The following GALNT2 variants were observed in gnomAD, a reference collection of about 807,000 sequenced individuals.
The protein encoded by GALNT2 is polypeptide N-acetylgalactosaminyltransferase 2.
Under a neutral mutation model 81.4 loss-of-function variants are expected in GALNT2, and 31 were observed. The ratio of observed to expected loss-of-function variants is 0.38; its 90% confidence interval spans 0.29 to 0.51. The LOEUF is 0.51. GALNT2 is among the 20% of genes least tolerant of loss of function. GALNT2 has a pLI of 0.87. For missense variants in GALNT2, 629 were observed against 765.7 expected (o/e 0.82, Z 2.11); for synonymous variants, 303 against 287.4 (o/e 1.05, Z -0.55).
At chr1:230,100,310 CTTTTTTTTTTTTTTT>C (rs573478928) in intron 1 of GALNT2, among the ~76,000 whole-genome samples, 1 of 85,776 alleles carries the variant, frequency 1.2e-5, no homozygotes, top group Non-Finnish European at 2.1e-5. Context: ...CTTTTTATTC[CTTTTTTTTTTTTTTT>C]TTTTTTTTTT....
intron 15 of GALNT2, among the ~76,000 whole-genome samples, chr1:230,276,697 T>A (rs960969916): frequency 6.6e-6 from 1 of 152,174 alleles, no homozygotes; most frequent in Non-Finnish European, 1.5e-5. Context: ...TGGGAGCCCC[T>A]CTCTAGGGTT....
intron 3 of GALNT2, among the ~76,000 whole-genome samples, chr1:230,215,886 T>G (rs902828513): frequency 4.6e-5 from 7 of 152,354 alleles, no homozygotes; most frequent in Middle Eastern, 6.8e-3. Flanking sequence ...TATATCAGCT[T>G]TAAGTAAAGA....
At chr1:230,099,032 G>A (rs13374490) in intron 1 of GALNT2, among the ~76,000 whole-genome samples, 2,617 of 152,264 alleles carry the variant, frequency 0.017, 75 homozygotes, top group African/African-American at 0.058. Flanking sequence ...GACATGAGAG[G>A]ATGAGATCAG....
chr1:230,172,649 T>A (rs1180715279), intron 1 of GALNT2, among the ~76,000 whole-genome samples: 1 of 152,132 alleles, frequency 6.6e-6, no homozygotes, highest in East Asian at 1.9e-4. Context: ...TACCTCCTCA[T>A]CCCCACGGCG....
chr1:230,132,208 G>C (rs952960778), intron 1 of GALNT2, among the ~76,000 whole-genome samples: 2 of 152,194 alleles, frequency 1.3e-5, no homozygotes, highest in African/African-American at 4.8e-5. Context: ...AGTAGTAACT[G>C]TGGCGGTCAG....
At chr1:230,237,127 A>T (rs1039744972) in intron 6 of GALNT2, among the ~76,000 whole-genome samples, 1 of 152,272 alleles carries the variant, frequency 6.6e-6, no homozygotes, top group African/African-American at 2.4e-5. Context: ...GCTGAAGGTG[A>T]ACCATCCAAA....
chr1:230,080,086 T>C (rs1659680681), intron 1 of GALNT2, among the ~76,000 whole-genome samples: 1 of 152,214 alleles, frequency 6.6e-6, no homozygotes, highest in Non-Finnish European at 1.5e-5. Context: ...ACTTAAGACA[T>C]AGGTTTTAGT....
At chr1:230,073,969 G>C (rs1435243556) in intron 1 of GALNT2, among the ~76,000 whole-genome samples, 1 of 152,196 alleles carries the variant, frequency 6.6e-6, no homozygotes, top group Non-Finnish European at 1.5e-5. Flanking sequence ...AGGAGGGTTG[G>C]GGGTAGAGTT....
intron 14 of GALNT2, among the ~76,000 whole-genome samples, chr1:230,270,172 G>T (rs1286646682): frequency 6.6e-6 from 1 of 152,208 alleles, no homozygotes; most frequent in Non-Finnish European, 1.5e-5. Context: ...CTATACTCCA[G>T]CCTGGGTGAC....
At chr1:230,068,223 A>C (rs1196225157) in intron 1 of GALNT2, among the ~76,000 whole-genome samples, 3 of 152,166 alleles carry the variant, frequency 2.0e-5, no homozygotes, top group African/African-American at 7.2e-5. Flanking sequence ...GGACCGTGTG[A>C]GCCGCTCTGC....
Position 230,243,297 on chromosome 1 carries a change from C to T in GALNT2, c.608-9C>T. 1 of 1,593,598 alleles carries T rather than the reference C, an allele frequency of 6.3e-7. No homozygotes were observed. On this transcript the variant is annotated splice_polypyrimidine_tract_variant and intron_variant, in intron 6 of 15. Coordinates refer to ENST00000366672, the MANE Select transcript of GALNT2 (RefSeq NM_004481.5). This position sits in a 1 kb window ranked among gnomAD's most constrained non-coding sequence, Gnocchi z 4.2. ...CTCTCCTGACGTGCTTTCCAACTCG[C>T]CTCTGCAGGCCTCATGCGCTCACGG...
chr1:230,122,807 GC>G (rs1558094513), intron 1 of GALNT2, among the ~76,000 whole-genome samples: 1 of 152,128 alleles, frequency 6.6e-6, no homozygotes, highest in African/African-American at 2.4e-5. Flanking sequence ...CTCTGCACAC[GC>G]GTATAGTGCA....
chr1:230,060,667 T>C (rs1659024880), intron 1 of GALNT2, among the ~76,000 whole-genome samples: 1 of 152,162 alleles, frequency 6.6e-6, no homozygotes, highest in Admixed American at 6.6e-5. Flanking sequence ...TCCATTCAGG[T>C]GTCTTCTCCA....
At chr1:230,143,936 C>T (rs927709324) in intron 1 of GALNT2, among the ~76,000 whole-genome samples, 2 of 152,244 alleles carry the variant, frequency 1.3e-5, no homozygotes, top group Non-Finnish European at 2.9e-5. Flanking sequence ...TAATTGCTAA[C>T]TTTTAAATTC....
chr1:230,196,987 A>G (rs1043533157), intron 2 of GALNT2, among the ~76,000 whole-genome samples: 3 of 152,110 alleles, frequency 2.0e-5, no homozygotes, highest in Non-Finnish European at 2.9e-5. Flanking sequence ...TATGGCTGAT[A>G]GTAAAACTAA....
intron 1 of GALNT2, among the ~76,000 whole-genome samples, chr1:230,143,281 G>T (rs1211917603): frequency 6.6e-6 from 1 of 152,214 alleles, no homozygotes; most frequent in African/African-American, 2.4e-5. Context: ...AAAATCAGGG[G>T]AATCCGCAGC....
chr1:230,073,292 G>A (rs965074028), intron 1 of GALNT2, among the ~76,000 whole-genome samples: 3 of 152,144 alleles, frequency 2.0e-5, no homozygotes, highest in African/African-American at 7.2e-5. Flanking sequence ...GTATGGAGTT[G>A]GCAGGAAAGC....
At chr1:230,067,123 G>A (rs1211953767), upstream of GALNT2, 2 of 207,166 alleles carry the variant, frequency 9.7e-6, no homozygotes, top group African/African-American at 2.4e-5. Flanking sequence ...CGGGCGCCGA[G>A]TGCGCGCCGC....
At chr1:230,122,497 C>T (rs979163134) in intron 1 of GALNT2, among the ~76,000 whole-genome samples, 4 of 152,194 alleles carry the variant, frequency 2.6e-5, no homozygotes, top group African/African-American at 4.8e-5. Context: ...GGGAAGGCCT[C>T]TGTCAGTGTT....
Sources: gnomAD v4.1 joint callset for allele counts (sites outside exome capture counted in the v4.1 genomes callset) on GRCh38, gnomAD v4.1.1 for gene constraint, Gnocchi (gnomAD v3.1) non-coding constraint, MANE v1.5 for transcripts, NCBI Gene and HGNC (gene_info 2026-07-23, HGNC 2026-07-21) for gene names.